Variants in MAP3K2 observed in about 807,000 individuals in gnomAD.
The protein encoded by MAP3K2 is mitogen-activated protein kinase kinase kinase 2.
MAP3K2 carries 24 observed loss-of-function variants against 80.3 expected under a neutral mutation model. That is an observed-to-expected ratio of 0.30 (90% confidence interval 0.22 to 0.42). The LOEUF (loss-of-function observed/expected upper bound fraction) is 0.42, where lower values mean the gene tolerates loss of function less well. MAP3K2 is among the 10% of genes least tolerant of loss of function. The pLI, the probability that MAP3K2 is intolerant of heterozygous loss-of-function variation, is 1.00. For missense variants in MAP3K2, 608 were observed against 750.1 expected (o/e 0.81, Z 2.21); for synonymous variants, 244 against 253.7 (o/e 0.96, Z 0.36).
intron 1 of MAP3K2, among the ~76,000 whole-genome samples, chr2:127,354,585 G>A (rs567226134): frequency 1.5e-4 from 23 of 152,022 alleles, no homozygotes; most frequent in Non-Finnish European, 3.1e-4. Flanking sequence ...TGCTACCCTG[G>A]TTCTACCTAA....
chr2:127,352,418 T>C (rs1202965108), intron 1 of MAP3K2, among the ~76,000 whole-genome samples: 2 of 152,172 alleles, frequency 1.3e-5, no homozygotes, highest in African/African-American at 4.8e-5. Context: ...CACCTGAGTC[T>C]GCTTCAGAAT....
intron 1 of MAP3K2, among the ~76,000 whole-genome samples, chr2:127,353,763 C>T (rs1479036126): frequency 2.0e-5 from 3 of 151,962 alleles, no homozygotes; most frequent in African/African-American, 4.8e-5. Flanking sequence ...TCATTGAGAA[C>T]GGGCCATGAT....
chr2:127,362,002 G>A (rs1412931655), intron 1 of MAP3K2, among the ~76,000 whole-genome samples: 1 of 152,156 alleles, frequency 6.6e-6, no homozygotes, highest in Non-Finnish European at 1.5e-5. Context: ...AAACAGCTCA[G>A]TGTTAAAGGC....
chr2:127,353,427 C>T (rs1385841018), intron 1 of MAP3K2, among the ~76,000 whole-genome samples: 6 of 151,834 alleles, frequency 4.0e-5, no homozygotes, highest in Middle Eastern at 3.2e-3. Flanking sequence ...GCCCGGCAGC[C>T]GCCCCGTCTG....
upstream of MAP3K2, chr2:127,388,040 G>C (rs1421637036): frequency 1.1e-4 from 109 of 983,496 alleles, no homozygotes; most frequent in Middle Eastern, 5.2e-4. Flanking sequence ...CCGCCCGGCG[G>C]TAGCGGAACC....
rs924554447 is a variant in MAP3K2, at chr2:127,387,643, T to G, written c.-257A>C. On this transcript the variant is annotated 5_prime_UTR_variant, in exon 1 of 17. The change abolishes an upstream ATG in the 5' untranslated region. Coordinates refer to ENST00000682094, the MANE Select transcript of MAP3K2 (RefSeq NM_001371910.2). ...GGGCCAGGCCCGTCCCTCTTTCACA[T>G]GAAGCCCGGGCCGGGCGGGGTGGCG... is the stretch of plus-strand genomic sequence containing the variant. 5 of 984,568 alleles carry G rather than the reference T, an allele frequency of 5.1e-6. No individual in the cohort carries two copies. Among genetic ancestry groups the G allele is most frequent in the Non-Finnish European group, 6.0e-6 (5 of 829,682 alleles). The allele number at this position is 984,568 out of a possible 1,614,324, so 61.0% of individuals were successfully genotyped here.
chr2:127,362,277 G>A, intron 1 of MAP3K2, among the ~76,000 whole-genome samples: 1 of 152,178 alleles, frequency 6.6e-6, no homozygotes, highest in Non-Finnish European at 1.5e-5. Context: ...TTCTTTACTT[G>A]TAATATGGAG....
chr2:127,353,445 A>AGGAG, intron 1 of MAP3K2, among the ~76,000 whole-genome samples: 1 of 150,240 alleles, frequency 6.7e-6, no homozygotes, highest in East Asian at 2.0e-4. Context: ...CTGAGAAGTG[A>AGGAG]GGAGCCCCTC....
chr2:127,325,435 T>A (rs754438746), intron 9 of MAP3K2, among the ~76,000 whole-genome samples: 1 of 152,166 alleles, frequency 6.6e-6, no homozygotes, highest in Non-Finnish European at 1.5e-5. Flanking sequence ...TCCCAGCGCT[T>A]TAGGAGACCA....
At position 127,341,201 on chromosome 2, in the gene MAP3K2, G is replaced by A. The variant is rs186097318; in HGVS notation, c.4+1925C>T. The stretch of plus-strand genomic sequence containing the variant: ...AGATGGGGTTTCACCGAGTTAGCCA[G>A]GTTGGTCTCGATCTCCCGGCCTCGT... On this transcript the variant is annotated intron_variant, in intron 2 of 16. Coordinates refer to ENST00000682094, the MANE Select transcript of MAP3K2 (RefSeq NM_001371910.2). Among the ~76,000 whole-genome samples, 417 of 152,028 alleles carry A rather than the reference G, an allele frequency of 2.7e-3. 1 individual carries two copies. Among genetic ancestry groups the A allele is most frequent in the Admixed American group, 4.4e-3 (68 of 15,284 alleles).
chr2:127,364,176 C>T lies in MAP3K2; in HGVS notation c.-65-20982G>A, dbSNP rs1686933780. Among the ~76,000 whole-genome samples the T allele has an allele frequency of 6.6e-6, 1 of 152,170 alleles. No individual in the cohort carries two copies. Among genetic ancestry groups the T allele is most frequent in the Non-Finnish European group, 1.5e-5 (1 of 68,012 alleles). ...CCCTTCCTGGTCCTTGATTTCTGCT[C>T]ATCCCTTGAATACCCATCTCCCCTC... On this transcript the variant is annotated intron_variant, in intron 1 of 16. Transcript: ENST00000682094. This position sits in a 1 kb window ranked among gnomAD's most constrained non-coding sequence, Gnocchi z 4.1.
chr2:127,344,432 G>A (rs1003743070), intron 1 of MAP3K2, among the ~76,000 whole-genome samples: 2 of 150,184 alleles, frequency 1.3e-5, no homozygotes, highest in South Asian at 2.1e-4. Flanking sequence ...GGAGGATCAC[G>A]TGAGCCCAGG....
At chr2:127,318,773 A>G (rs1685956285) in intron 12 of MAP3K2, among the ~76,000 whole-genome samples, 1 of 152,210 alleles carries the variant, frequency 6.6e-6, no homozygotes, top group African/African-American at 2.4e-5. Context: ...TTGAACACAT[A>G]TCAAAAAACT....
intron 1 of MAP3K2, among the ~76,000 whole-genome samples, chr2:127,343,410 G>A (rs545126378): frequency 6.6e-6 from 1 of 152,240 alleles, no homozygotes; most frequent in African/African-American, 2.4e-5. Context: ...CAGAAGAAAA[G>A]CAGGTATTCA....
intron 1 of MAP3K2, among the ~76,000 whole-genome samples, chr2:127,360,036 G>C (rs1209928320): frequency 6.6e-6 from 1 of 152,116 alleles, no homozygotes; most frequent in African/African-American, 2.4e-5. Flanking sequence ...AAAAATGAAA[G>C]CATATGTCCA....
At chr2:127,326,275 A>G (rs1156962291) in intron 8 of MAP3K2, among the ~76,000 whole-genome samples, 2 of 152,134 alleles carry the variant, frequency 1.3e-5, no homozygotes, top group Non-Finnish European at 2.9e-5. Flanking sequence ...TAAGGGAATA[A>G]CAGCAACTCC....
At chr2:127,341,365 G>A (rs1686482824) in intron 2 of MAP3K2, among the ~76,000 whole-genome samples, 1 of 151,720 alleles carries the variant, frequency 6.6e-6, no homozygotes, top group Admixed American at 6.6e-5. Flanking sequence ...AAAATGGTGG[G>A]GCCAGTTGAA....
intron 9 of MAP3K2, 67 bp downstream of exon 9, chr2:127,325,661 C>T (rs529480489): frequency 7.7e-7 from 1 of 1,297,090 alleles, no homozygotes; most frequent in South Asian, 1.2e-5. Context: ...GCGCTCCAGC[C>T]TGGGTGACAG....
At chr2:127,375,149 C>A (rs1192421269) in intron 1 of MAP3K2, among the ~76,000 whole-genome samples, 1 of 152,118 alleles carries the variant, frequency 6.6e-6, no homozygotes, top group Non-Finnish European at 1.5e-5. Flanking sequence ...TGTGTTCACA[C>A]CCCCTCAGGT....
Sources: gnomAD v4.1 joint callset for allele counts (sites outside exome capture counted in the v4.1 genomes callset) on GRCh38, gnomAD v4.1.1 for gene constraint, Gnocchi (gnomAD v3.1) non-coding constraint, MANE v1.5 for transcripts, NCBI Gene and HGNC (gene_info 2026-07-23, HGNC 2026-07-21) for gene names.